GALNT7: variants seen among roughly 807,000 people sequenced by gnomAD.
GALNT7 encodes polypeptide N-acetylgalactosaminyltransferase 7, also known as N-acetylgalactosaminyltransferase 7.
Under a neutral mutation model 82.1 loss-of-function variants are expected in GALNT7, and 60 were observed. The observed-to-expected ratio is 0.73, with a 90% CI of 0.59 to 0.91. The LOEUF is 0.91. Ranked by LOEUF, GALNT7 falls within the 40% of genes least tolerant of loss-of-function variation. The pLI, the probability that GALNT7 is intolerant of heterozygous loss-of-function variation, is 0.00. For missense variants in GALNT7, 660 were observed against 804.2 expected, an observed-to-expected ratio of 0.82 and a Z score of 2.17; for synonymous variants, 243 against 275.1, an observed-to-expected ratio of 0.88 and a Z score of 1.15.
intron 1 of GALNT7, among the ~76,000 whole-genome samples, chr4:173,201,233 T>A (rs1471066057): frequency 6.6e-6 from 1 of 151,974 alleles, no homozygotes; most frequent in Non-Finnish European, 1.5e-5. Context: ...CCAAATATTT[T>A]AAAAAATAGT....
At chr4:173,298,077 G>A (rs376616235) in intron 5 of GALNT7, 38 bp from the exon 6 acceptor site, 40 of 1,600,968 alleles carry the variant, frequency 2.5e-5, no homozygotes, top group Middle Eastern at 1.7e-4. Flanking sequence ...CCATACATAC[G>A]CTTCCATTTG....
chr4:173,263,000 T>A (rs952243556), intron 2 of GALNT7, among the ~76,000 whole-genome samples: 1 of 152,204 alleles, frequency 6.6e-6, no homozygotes, highest in African/African-American at 2.4e-5. Flanking sequence ...AACTTAAATA[T>A]GGGTACCATT....
intron 1 of GALNT7, among the ~76,000 whole-genome samples, chr4:173,245,960 G>A (rs1734614648): frequency 6.6e-6 from 1 of 152,114 alleles, no homozygotes; most frequent in Non-Finnish European, 1.5e-5. Context: ...TGATCTAGAG[G>A]CTTTCTCAAC....
At chr4:173,285,087 C>T (rs1051682123) in intron 2 of GALNT7, among the ~76,000 whole-genome samples, 2 of 152,172 alleles carry the variant, frequency 1.3e-5, no homozygotes, top group Non-Finnish European at 2.9e-5. Context: ...TATTTACAGT[C>T]TTTTCACAAT....
intron 2 of GALNT7, among the ~76,000 whole-genome samples, chr4:173,257,696 A>T (rs1735096051): frequency 6.6e-6 from 1 of 152,212 alleles, no homozygotes; most frequent in South Asian, 2.1e-4. Flanking sequence ...CATTTTTAAT[A>T]GCCTGGTGAC....
chr4:173,170,986 T>TA (rs1195505721), intron 1 of GALNT7, among the ~76,000 whole-genome samples: 1 of 152,202 alleles, frequency 6.6e-6, no homozygotes. Context: ...GTGTACTTGA[T>TA]AAAGTTTCTC....
chr4:173,250,049 A>G (rs1734794194), intron 2 of GALNT7, among the ~76,000 whole-genome samples: 1 of 152,162 alleles, frequency 6.6e-6, no homozygotes, highest in African/African-American at 2.4e-5. Context: ...GAATTCTCAC[A>G]ACCAAACTGT....
chr4:173,175,021 T>G (rs1427932002), intron 1 of GALNT7, among the ~76,000 whole-genome samples: 1 of 152,190 alleles, frequency 6.6e-6, no homozygotes, highest in African/African-American at 2.4e-5. Context: ...ATTCTGAGCT[T>G]GAGCCATCTG....
chr4:173,281,716 C>T (rs1265910144), intron 2 of GALNT7, among the ~76,000 whole-genome samples: 2 of 152,204 alleles, frequency 1.3e-5, no homozygotes, highest in Admixed American at 6.5e-5. Flanking sequence ...ATGGAGGCTG[C>T]GCACAAATCC....
At chr4:173,307,859 A>C (rs565920197) in intron 8 of GALNT7, among the ~76,000 whole-genome samples, 1 of 152,318 alleles carries the variant, frequency 6.6e-6, no homozygotes, top group Non-Finnish European at 1.5e-5. Flanking sequence ...GCCCAAAGTA[A>C]TTCAAGAGTA....
At chr4:173,217,912 A>G (rs1480369494) in intron 1 of GALNT7, among the ~76,000 whole-genome samples, 1 of 152,220 alleles carries the variant, frequency 6.6e-6, no homozygotes, top group Non-Finnish European at 1.5e-5. Flanking sequence ...CTATAAAGCC[A>G]AAAGATAAAA....
At position 173,302,905 on chromosome 4, in the gene GALNT7, T is replaced by A. The variant is rs1046793913; in HGVS notation, c.1266+741T>A. On this transcript the variant is annotated intron_variant, in intron 7 of 11. Coordinates refer to ENST00000265000, the MANE Select transcript of GALNT7 (RefSeq NM_017423.3). The surrounding 1 kb of genome is among the most constrained non-coding windows in gnomAD (Gnocchi z 4.2). Reference sequence around the variant, plus strand: ...AAGGCAGAATGGCATTCAGTTGGTGTGCTTAAAAAACCGTCGGCCAGGCGC... The same window carrying A: ...AAGGCAGAATGGCATTCAGTTGGTGAGCTTAAAAAACCGTCGGCCAGGCGC... Among the ~76,000 whole-genome samples the A allele has an allele frequency of 2.0e-5, 3 of 152,220 alleles. No individual in the cohort carries two copies. The highest frequency in any genetic ancestry group is 7.2e-5 in the African/African-American group (3 of 41,460).
intron 2 of GALNT7, among the ~76,000 whole-genome samples, chr4:173,291,525 A>G (rs1200688046): frequency 6.6e-6 from 1 of 152,212 alleles, no homozygotes; most frequent in African/African-American, 2.4e-5. Flanking sequence ...GTTGTTTCAA[A>G]TAGTTGTGTA....
intron 2 of GALNT7, chr4:173,282,367 G>A (rs1736145010): frequency 6.6e-6 from 1 of 152,190 alleles, no homozygotes; most frequent in South Asian, 2.1e-4. Flanking sequence ...TTCTTTTCTG[G>A]ACGCTGTCTG....
In GALNT7 at chr4:173,321,044, C is replaced by T. The variant is rs200609860; in HGVS notation, c.1837-536C>T. Reference sequence around the variant, plus strand: ...CTTCGTATTATGATGAAAATAGTTTCGGCCTTACAGACCCAATCCTGGATA... The same window carrying T: ...CTTCGTATTATGATGAAAATAGTTTTGGCCTTACAGACCCAATCCTGGATA... On this transcript the variant is annotated intron_variant, in intron 11 of 11. Transcript: ENST00000265000. Among the ~76,000 whole-genome samples, 25 of 152,242 alleles carry T rather than the reference C, an allele frequency of 1.6e-4. No individual in the cohort carries two copies. In the East Asian group the frequency reaches 3.3e-3, roughly 20 times the overall value.
At chr4:173,277,044 A>T (rs73872518) in intron 2 of GALNT7, among the ~76,000 whole-genome samples, 12,938 of 151,884 alleles carry the variant, frequency 0.085, 1,096 homozygotes, top group African/African-American at 0.22. Context: ...ATTGATTGAT[A>T]GATTGATTGA....
intron 2 of GALNT7, among the ~76,000 whole-genome samples, chr4:173,285,888 A>G (rs1169316586): frequency 6.6e-6 from 1 of 152,156 alleles, no homozygotes; most frequent in Non-Finnish European, 1.5e-5. Context: ...TTTCTCCAAA[A>G]TGGGATTTGT....
rs1485507625 is a variant in GALNT7, at chr4:173,309,151, AACTTAAACTGAACGGG to A, written c.1390-4803_1390-4788del. On this transcript the variant is annotated intron_variant, in intron 8 of 11. Coordinates refer to ENST00000265000, the MANE Select transcript of GALNT7 (RefSeq NM_017423.3). ...TTTTTTGAATAAATAAAATGTATTT[AACTTAAACTGAACGGG>A]ACTGTTTTAGTAGGATGAGCATCCT... Among the ~76,000 whole-genome samples, 6 of 151,836 alleles carry A rather than the reference AACTTAAACTGAACGGG, an allele frequency of 4.0e-5. No homozygotes were observed. In the East Asian group the frequency reaches 9.6e-4, roughly 24 times the overall value.
At chr4:173,257,407 C>T (rs1579961130) in intron 2 of GALNT7, among the ~76,000 whole-genome samples, 1 of 152,016 alleles carries the variant, frequency 6.6e-6, no homozygotes, top group East Asian at 1.9e-4. Flanking sequence ...TCATTTTAAG[C>T]TGAATATGTA....
Sources: gnomAD v4.1 joint callset for allele counts (sites outside exome capture counted in the v4.1 genomes callset) on GRCh38, gnomAD v4.1.1 for gene constraint, Gnocchi (gnomAD v3.1) non-coding constraint, MANE v1.5 for transcripts, NCBI Gene and HGNC (gene_info 2026-07-23, HGNC 2026-07-21) for gene names.